The following ELMO1 variants were observed in gnomAD, a reference collection of about 807,000 sequenced individuals.
ELMO1 encodes engulfment and cell motility protein 1.
A neutral mutation model predicts 98.9 loss-of-function variants in ELMO1; 26 were observed. That is an observed-to-expected ratio of 0.26 (90% confidence interval 0.19 to 0.36). The LOEUF (loss-of-function observed/expected upper bound fraction) is 0.36. ELMO1 is among the 10% of genes least tolerant of loss of function. The pLI is 1.00. For synonymous variants in ELMO1, 346 were observed against 346.0 expected, an observed-to-expected ratio of 1.00 and a Z score of 0.00; for missense variants, 627 against 935.2, an observed-to-expected ratio of 0.67 and a Z score of 4.30.
intron 15 of ELMO1, among the ~76,000 whole-genome samples, chr7:37,058,925 C>A (rs560037482): frequency 2.8e-4 from 42 of 152,264 alleles, no homozygotes; most frequent in African/African-American, 1.0e-3. Flanking sequence ...CATGGGGACA[C>A]CCAAGAAATG....
intron 15 of ELMO1, among the ~76,000 whole-genome samples, chr7:37,028,124 A>T (rs1224752134): frequency 6.6e-6 from 1 of 152,010 alleles, no homozygotes; most frequent in Admixed American, 6.6e-5. Context: ...CATTGTACAG[A>T]TGAGAAAACA....
intron 16 of ELMO1, among the ~76,000 whole-genome samples, chr7:36,951,900 C>A (rs1434873793): frequency 1.3e-5 from 2 of 152,206 alleles, no homozygotes; most frequent in Non-Finnish European, 2.9e-5. Context: ...ATACAGCAGG[C>A]ACTCAATAGA....
intron 16 of ELMO1, among the ~76,000 whole-genome samples, chr7:36,999,622 T>C (rs1005330640): frequency 2.0e-5 from 3 of 152,202 alleles, no homozygotes; most frequent in African/African-American, 7.2e-5. Flanking sequence ...AGAAGAAGAC[T>C]GTGTCAGAAA....
intron 1 of ELMO1, among the ~76,000 whole-genome samples, chr7:37,356,457 T>G (rs1801500267): frequency 6.6e-6 from 1 of 152,158 alleles, no homozygotes; most frequent in Non-Finnish European, 1.5e-5. Flanking sequence ...AAGAATGAGT[T>G]CATGTCCTTT....
intron 1 of ELMO1, among the ~76,000 whole-genome samples, chr7:37,434,217 G>T (rs1305411633): frequency 1.3e-5 from 2 of 152,102 alleles, no homozygotes; most frequent in Non-Finnish European, 2.9e-5. Context: ...GTACCTTGAG[G>T]TTTATAATTT....
At chr7:37,012,449 T>TGG (rs1338292053) in intron 16 of ELMO1, among the ~76,000 whole-genome samples, 1 of 152,212 alleles carries the variant, frequency 6.6e-6, no homozygotes, top group Non-Finnish European at 1.5e-5. Context: ...CCCTTAGTGC[T>TGG]GGGTGAGAGT....
intron 16 of ELMO1, chr7:36,919,360 T>C (rs1220115602): frequency 1.9e-6 from 1 of 532,162 alleles, no homozygotes; most frequent in Non-Finnish European, 3.9e-6. Flanking sequence ...GACTTCAGGC[T>C]ATCCCTGACA....
intron 15 of ELMO1, among the ~76,000 whole-genome samples, chr7:37,022,996 A>T (rs1311824660): frequency 6.6e-6 from 1 of 152,258 alleles, no homozygotes; most frequent in Non-Finnish European, 1.5e-5. Context: ...GAGCAAAAAC[A>T]GCCCCACATA....
At chr7:37,113,296 C>A (rs1007613184) in intron 14 of ELMO1, among the ~76,000 whole-genome samples, 138 of 152,272 alleles carry the variant, frequency 9.1e-4, no homozygotes, top group African/African-American at 3.1e-3. Context: ...CTGGCACTGC[C>A]CCGGGCACTG....
At chr7:37,218,095 G>C (rs1286578710) in intron 10 of ELMO1, among the ~76,000 whole-genome samples, 1 of 152,228 alleles carries the variant, frequency 6.6e-6, no homozygotes, top group East Asian at 1.9e-4. Flanking sequence ...ACTGGTGGTG[G>C]TTTTTTTGTT....
intron 1 of ELMO1, among the ~76,000 whole-genome samples, chr7:37,345,215 T>C (rs952847616): frequency 1.3e-5 from 2 of 152,204 alleles, no homozygotes; most frequent in African/African-American, 4.8e-5. Flanking sequence ...CAAATAATTA[T>C]TGAGCCTCTG....
chr7:37,304,890 G>A (rs1193647325), intron 4 of ELMO1, among the ~76,000 whole-genome samples: 3 of 152,160 alleles, frequency 2.0e-5, no homozygotes, highest in Non-Finnish European at 4.4e-5. Flanking sequence ...GCAAATAGTT[G>A]CATTCAGTTG....
At chr7:36,884,671 A>G (rs1415108002) in intron 18 of ELMO1, among the ~76,000 whole-genome samples, 2 of 152,248 alleles carry the variant, frequency 1.3e-5, no homozygotes, top group Non-Finnish European at 2.9e-5. Context: ...CCAGTAGCAG[A>G]GCTGCACATG....
intron 1 of ELMO1, among the ~76,000 whole-genome samples, chr7:37,397,339 G>T (rs1345238989): frequency 6.6e-6 from 1 of 152,162 alleles, no homozygotes; most frequent in Non-Finnish European, 1.5e-5. Context: ...AGTTCTCAAA[G>T]GTTTGACAGA....
intron 16 of ELMO1, among the ~76,000 whole-genome samples, chr7:36,944,411 G>T (rs573353619): frequency 5.9e-5 from 9 of 152,324 alleles, no homozygotes; most frequent in African/African-American, 1.9e-4. Flanking sequence ...ACGAAGGAGT[G>T]CACGATTCAA....
Position 37,400,377 on chromosome 7 carries a change from TA to T in ELMO1, c.-74+48297del, listed in dbSNP as rs962846498. ...AAGCCACTGGAGTTATTTCAAAATT[TA>T]AAAAAAAAGTCAGCTTCACCCAACA... On this transcript the variant is annotated intron_variant, in intron 1 of 21. Transcript: ENST00000310758. 4.8e-3 allele frequency among the ~76,000 whole-genome samples: 733 copies of T among 151,558 alleles called. 9 individuals carry two copies. The highest frequency in any genetic ancestry group is 0.017 in the African/African-American group (690 of 41,350).
At chr7:36,932,437 G>A (rs1051210314) in intron 16 of ELMO1, among the ~76,000 whole-genome samples, 1 of 152,160 alleles carries the variant, frequency 6.6e-6, no homozygotes, top group Non-Finnish European at 1.5e-5. Flanking sequence ...ATCTTGAAAT[G>A]CATGGATGAA....
chr7:37,009,459 G>A (rs774931281), intron 16 of ELMO1, among the ~76,000 whole-genome samples: 8 of 152,138 alleles, frequency 5.3e-5, no homozygotes, highest in South Asian at 2.1e-4. Flanking sequence ...AAGAGCAGAC[G>A]ACAGCTGCTT....
rs954703388 is a variant in ELMO1 at position 37,342,160 on chromosome 7, C to A, written c.78+453G>T. ...AAATCCAAGACTGAACCCCTCTATACTAATTTCATTACAAAGCTATTAATA... is the reference window on the plus strand; with the variant it reads ...AAATCCAAGACTGAACCCCTCTATAATAATTTCATTACAAAGCTATTAATA... On this transcript the variant is annotated intron_variant, in intron 2 of 21. Transcript: ENST00000310758. The surrounding 1 kb of genome is among the most constrained non-coding windows in gnomAD (Gnocchi z 4.3). Among the ~76,000 whole-genome samples, 4 of 152,156 alleles carry A rather than the reference C, an allele frequency of 2.6e-5. No homozygotes were observed. Among genetic ancestry groups the A allele is most frequent in the Non-Finnish European group, 4.4e-5 (3 of 68,020 alleles).
Sources: allele counts gnomAD v4.1 joint callset (sites outside exome capture counted in the v4.1 genomes callset), GRCh38; gene constraint gnomAD v4.1.1; non-coding constraint Gnocchi (gnomAD v3.1); transcripts MANE v1.5; gene names NCBI Gene and HGNC (gene_info 2026-07-23, HGNC 2026-07-21).